The following MINPP1 variants were observed in gnomAD, a reference collection of about 807,000 sequenced individuals.
MINPP1 encodes the protein multiple inositol-polyphosphate phosphatase 1.
Under a neutral mutation model 46.1 loss-of-function variants are expected in MINPP1, and 28 were observed. That is an observed-to-expected ratio of 0.61 (90% CI 0.45 to 0.83). MINPP1 has a LOEUF of 0.83. Among genes scored for constraint, MINPP1 ranks in the 40% least tolerant of loss-of-function variants. The pLI is 0.00. For synonymous variants in MINPP1, 268 were observed against 249.1 expected (o/e 1.08, Z -0.72); for missense variants, 603 against 610.0 (o/e 0.99, Z 0.12).
At position 87,505,389 on chromosome 10, in the gene MINPP1, G is replaced by C. The variant is rs1851227548; in HGVS notation, c.474G>C (p.Ala158=). 6.2e-7 allele frequency: 1 copy of C among 1,613,968 alleles called. No individual in the cohort carries two copies. Among genetic ancestry groups the C allele is most frequent in the Non-Finnish European group, 8.5e-7 (1 of 1,179,956 alleles). Residue 158 remains alanine (A), a synonymous_variant, in exon 1 of 5, where the codon GCG becomes GCC. Transcript: ENST00000371996. This position sits in a 1 kb window ranked among gnomAD's most constrained non-coding sequence, Gnocchi z 4.4. The stretch of plus-strand genomic sequence containing the variant: ...GACGGCAGGATATGCGACAGCTGGC[G>C]CTGCGTCTGGCCTCGCTCTTCCCGG... The part of the protein sequence containing the change: ...EKGRQDMRQL[A]LRLASLFPAL...
In MINPP1 at chr10:87,508,374, A is replaced by G. The variant is rs765279000; in HGVS notation, c.676A>G (p.Met226Val). 2 of 1,613,156 alleles carry G rather than the reference A, an allele frequency of 1.2e-6. No individual in the cohort carries two copies. The highest frequency in any genetic ancestry group is 4.5e-5 in the East Asian group (2 of 44,812). Reference protein sequence around the residue: ...FGPPTVNDKLMRFFDHCEKFL... With the variant: ...FGPPTVNDKLVRFFDHCEKFL... The stretch of plus-strand genomic sequence containing the variant: ...ACCTCCAACAGTTAATGATAAACTA[A>G]TGAGATTTTTTGATCACTGTGAGAA... Residue 226 changes from methionine to valine, a missense_variant, in exon 2 of 5, where the codon ATG becomes GTG. Around this residue, in one of 3 missense-constraint regions of MINPP1, gnomAD observed 344 missense variants for 381.1 expected, o/e 0.90. Transcript: ENST00000371996.
rs1851322753 is a variant in MINPP1, at chr10:87,510,739, A to G, written c.835+2206A>G. On this transcript the variant is annotated intron_variant, in intron 2 of 4. Coordinates refer to ENST00000371996, the MANE Select transcript of MINPP1 (RefSeq NM_004897.5). ...GTGAAACCCTGCCTCTATCAAAGAC[A>G]CAAAAGTTAGCCAGTCTTATAACTT... Among the ~76,000 whole-genome samples the G allele has an allele frequency of 2.0e-5, 3 of 152,250 alleles. No individual in the cohort carries two copies. In the South Asian group the frequency reaches 6.2e-4, roughly 31 times the overall value.
At chr10:87,546,624 T>C (rs79164704) in intron 4 of MINPP1, 101 of 152,356 alleles carry the variant, frequency 6.6e-4, no homozygotes, top group African/African-American at 2.4e-3. Flanking sequence ...AAAGAATTGA[T>C]GCCTTATTTA....
chr10:87,508,113 A>T, intron 1 of MINPP1: 1 of 1,519,612 alleles, frequency 6.6e-7, no homozygotes. Flanking sequence ...TTAATCTTCA[A>T]TCTCTATTTC....
At chr10:87,526,030 C>A (rs183510316) in intron 4 of MINPP1, among the ~76,000 whole-genome samples, 7 of 152,288 alleles carry the variant, frequency 4.6e-5, no homozygotes, top group African/African-American at 1.7e-4. Context: ...GTGCATGTAT[C>A]TTTATAGCAG....
intron 3 of MINPP1, among the ~76,000 whole-genome samples, chr10:87,515,725 G>T (rs930768454): frequency 1.3e-5 from 2 of 151,948 alleles, no homozygotes; most frequent in African/African-American, 4.8e-5. Flanking sequence ...AAATGGGATT[G>T]GTTGAATGTT....
At chr10:87,517,130 G>A (rs1017977833) in intron 3 of MINPP1, among the ~76,000 whole-genome samples, 1 of 151,872 alleles carries the variant, frequency 6.6e-6, no homozygotes, top group African/African-American at 2.4e-5. Flanking sequence ...TTAATAACTG[G>A]GTAATGAAGT....
At chr10:87,531,783 A>G (rs902555853) in intron 4 of MINPP1, among the ~76,000 whole-genome samples, 9 of 152,204 alleles carry the variant, frequency 5.9e-5, no homozygotes, top group East Asian at 5.8e-4. Flanking sequence ...CATGCTATGT[A>G]TGTAAGGTGT....
chr10:87,537,634 T>C (rs1851756547), intron 4 of MINPP1, among the ~76,000 whole-genome samples: 1 of 151,944 alleles, frequency 6.6e-6, no homozygotes, highest in African/African-American at 2.4e-5. Context: ...TTAAAAAATA[T>C]ATATATATTA....
chr10:87,513,126 T>G lies in MINPP1; in HGVS notation c.838T>G (p.Leu280Val). 1 of 1,612,942 alleles carries G rather than the reference T, an allele frequency of 6.2e-7. No homozygotes were observed. The highest frequency in any genetic ancestry group is 8.5e-7 in the Non-Finnish European group (1 of 1,179,050). Residue 280 changes from leucine (L) to valine (V), a missense_variant and splice_region_variant, in exon 3 of 5, where the codon TTA (leucine) becomes GTA (valine). Coordinates refer to ENST00000371996, the MANE Select transcript of MINPP1 (RefSeq NM_004897.5). ...ATTTTACCTTTTTTTCCCCCCAGATTTAATTCAAGTAGCCTTTTTCACCTG... is the reference window on the plus strand; with the variant it reads ...ATTTTACCTTTTTTTCCCCCCAGATGTAATTCAAGTAGCCTTTTTCACCTG... Reference protein sequence around the residue: ...QVPVNDLNADLIQVAFFTCSF... With the variant: ...QVPVNDLNADVIQVAFFTCSF...
At chr10:87,535,408 AT>A (rs1851719704) in intron 4 of MINPP1, among the ~76,000 whole-genome samples, 1 of 152,252 alleles carries the variant, frequency 6.6e-6, no homozygotes, top group South Asian at 2.1e-4. Flanking sequence ...ATTAATTGTT[AT>A]TAATACCATC....
chr10:87,513,108 C>A lies in MINPP1; in HGVS notation c.836-16C>A. The stretch of plus-strand genomic sequence containing the variant: ...AAAATAATGACCCACAAAATTTTAC[C>A]TTTTTTTCCCCCCAGATTTAATTCA... On this transcript the variant is annotated splice_polypyrimidine_tract_variant and intron_variant, in intron 2 of 4. Coordinates refer to ENST00000371996, the MANE Select transcript of MINPP1 (RefSeq NM_004897.5). The A allele has an allele frequency of 3.1e-6, 5 of 1,605,534 alleles. No homozygotes were observed. Among genetic ancestry groups the A allele is most frequent in the Non-Finnish European group, 4.3e-6 (5 of 1,172,458 alleles).
At chr10:87,543,681 A>G (rs1851848575) in intron 4 of MINPP1, among the ~76,000 whole-genome samples, 1 of 152,234 alleles carries the variant, frequency 6.6e-6, no homozygotes, top group South Asian at 2.1e-4. Context: ...TTAAGTTAGT[A>G]TTATGTCCAG....
chr10:87,508,484 A>T lies in MINPP1; in HGVS notation c.786A>T (p.Leu262Phe), dbSNP rs768977489. 119 of 1,613,844 alleles carry T rather than the reference A, an allele frequency of 7.4e-5. 1 individual carries two copies. The highest frequency in any genetic ancestry group is 2.7e-4 in the Admixed American group (16 of 60,024). ...FKTGPEMQNI[L>F]KKVAATLQVP... Reference sequence around the variant, plus strand: ...CTGGACCAGAAATGCAGAACATTTTAAAAAAAGTTGCAGCTACTTTGCAAG... The same window carrying T: ...CTGGACCAGAAATGCAGAACATTTTTAAAAAAGTTGCAGCTACTTTGCAAG... The change falls in exon 2 of 5, where the codon TTA (leucine) becomes TTT (phenylalanine). Residue 262 changes from leucine (L) to phenylalanine (F), a missense_variant. Transcript: ENST00000371996.
chr10:87,513,816 T>C (rs1221738749), intron 3 of MINPP1, among the ~76,000 whole-genome samples: 1 of 152,186 alleles, frequency 6.6e-6, no homozygotes, highest in African/African-American at 2.4e-5. Flanking sequence ...ATCTTATGGT[T>C]CTGGAGGTCA....
intron 4 of MINPP1, among the ~76,000 whole-genome samples, chr10:87,542,820 G>A (rs887490110): frequency 1.2e-4 from 18 of 152,046 alleles, no homozygotes; most frequent in Admixed American, 2.6e-4. Flanking sequence ...TTGCAGAAAC[G>A]GACTAACACA....
At chr10:87,537,838 T>C (rs1048372775) in intron 4 of MINPP1, among the ~76,000 whole-genome samples, 141 of 152,080 alleles carry the variant, frequency 9.3e-4, no homozygotes, top group African/African-American at 3.3e-3. Flanking sequence ...GGTGCGATCA[T>C]AGCTCACTAC....
intron 4 of MINPP1, among the ~76,000 whole-genome samples, chr10:87,543,048 A>C (rs923965593): frequency 6.6e-6 from 1 of 152,194 alleles, no homozygotes; most frequent in Non-Finnish European, 1.5e-5. Context: ...GAGGTTCCAG[A>C]TGGAAGTGAG....
At chr10:87,533,225 T>C (rs1476811585) in intron 4 of MINPP1, among the ~76,000 whole-genome samples, 1 of 152,136 alleles carries the variant, frequency 6.6e-6, no homozygotes, top group Non-Finnish European at 1.5e-5. Context: ...GAATTTTTTT[T>C]TCAACATAAT....
Sources: allele counts gnomAD v4.1 joint callset (sites outside exome capture counted in the v4.1 genomes callset), GRCh38; gene constraint gnomAD v4.1.1; regional missense constraint gnomAD v4.1.1; non-coding constraint Gnocchi (gnomAD v3.1); transcripts MANE v1.5; gene names NCBI Gene and HGNC (gene_info 2026-07-23, HGNC 2026-07-21).